The following SMAD9 variants were observed in gnomAD, a reference collection of about 807,000 sequenced individuals.
The protein encoded by SMAD9 is MAD homolog 9.
A neutral mutation model predicts 46.1 loss-of-function variants in SMAD9; 36 were observed. That is an observed-to-expected ratio of 0.78 (90% CI 0.60 to 1.03). SMAD9 has a LOEUF of 1.03. Among genes scored for constraint, SMAD9 ranks in the 50% least tolerant of loss-of-function variants. The pLI is 0.00. For synonymous variants in SMAD9, 245 were observed against 237.1 expected (o/e 1.03, Z -0.31); for missense variants, 572 against 599.8 (o/e 0.95, Z 0.48).
At chr13:36,895,375 T>C (rs769010688) in intron 1 of SMAD9, among the ~76,000 whole-genome samples, 66 of 152,194 alleles carry the variant, frequency 4.3e-4, no homozygotes, top group Non-Finnish European at 8.2e-4. Flanking sequence ...CATAGGTTTC[T>C]CAACTACTGA....
chr13:36,851,691 C>T lies in SMAD9; in HGVS notation c.1260+1728G>A, dbSNP rs896499142. 3.2e-6 allele frequency: 3 copies of T among 949,786 alleles called. No individual in the cohort carries two copies. In the African/African-American group the frequency reaches 5.3e-5, roughly 17 times the overall value. The allele number at this position is 949,786 out of a possible 1,614,324, so 58.8% of individuals were successfully genotyped here. ...GAAACCTTAAAGAGATCTGATCCAT[C>T]AGCCCAGTGGTAGCTACAGCTGCTC... On this transcript the variant is annotated intron_variant, in intron 6 of 6. Coordinates refer to ENST00000379826, the MANE Select transcript of SMAD9 (RefSeq NM_001127217.3).
chr13:36,847,028 T>G lies in SMAD9; in HGVS notation c.*1648A>C, dbSNP rs1475877024. The G allele has an allele frequency of 6.6e-6, 1 of 152,216 alleles. No homozygotes were observed. Among genetic ancestry groups the G allele is most frequent in the African/African-American group, 2.4e-5 (1 of 41,464 alleles). The allele number at this position is 152,216 out of a possible 1,614,324, so 9.4% of individuals were successfully genotyped here. ...ATAAACTACAGATTTTTCTATACAC[T>G]ACATGGGCCATATATTACATTTTTC... is the stretch of plus-strand genomic sequence containing the variant. On this transcript the variant is annotated 3_prime_UTR_variant, in exon 7 of 7. Transcript: ENST00000379826.
At chr13:36,859,325 T>C (rs1449382322) in intron 5 of SMAD9, among the ~76,000 whole-genome samples, 2 of 152,112 alleles carry the variant, frequency 1.3e-5, no homozygotes, top group East Asian at 1.9e-4. Flanking sequence ...CCCAAGGAGT[T>C]TGAAACAGAG....
At chr13:36,883,140 G>A (rs760757453) in intron 1 of SMAD9, among the ~76,000 whole-genome samples, 4 of 152,060 alleles carry the variant, frequency 2.6e-5, no homozygotes, top group Non-Finnish European at 4.4e-5. Flanking sequence ...ACCTGGCTCC[G>A]AACAGCTTTC....
intron 5 of SMAD9, among the ~76,000 whole-genome samples, chr13:36,858,883 G>T (rs618407): frequency 0.068 from 10,388 of 152,060 alleles, 718 homozygotes; most frequent in African/African-American, 0.17. Flanking sequence ...CTAACTTTTT[G>T]GTATTTTTTG....
In SMAD9 at chr13:36,859,897, T is replaced by C. The variant is rs918774945; in HGVS notation, c.1003+5640A>G. On this transcript the variant is annotated intron_variant, in intron 5 of 6. Coordinates refer to ENST00000379826, the MANE Select transcript of SMAD9 (RefSeq NM_001127217.3). ...ATCGCTTGAACCCGGGAGGCAGAGG[T>C]TGAGGCGAGCCGAGATTGTGCCATT... Among the ~76,000 whole-genome samples the C allele has an allele frequency of 7.3e-5, 11 of 151,248 alleles. No individual in the cohort carries two copies. In the East Asian group the frequency reaches 2.1e-3, roughly 29 times the overall value.
At position 36,845,209 on chromosome 13, in the gene SMAD9, TTGC is replaced by T. The variant is rs1404611899; in HGVS notation, c.*3464_*3466del. ...AAGTGATATTTATGAAATGTTTTTG[TTGC>T]TGTTTTGTTGCTGTTATGGGAACAT... is the stretch of plus-strand genomic sequence containing the variant. On this transcript the variant is annotated 3_prime_UTR_variant, in exon 7 of 7. Transcript: ENST00000379826. 2 of 152,118 alleles carry T rather than the reference TTGC, an allele frequency of 1.3e-5. No individual in the cohort carries two copies. The highest frequency in any genetic ancestry group is 4.8e-5 in the African/African-American group (2 of 41,432). 9.4% of individuals were successfully genotyped at this position (152,118 alleles called of 1,614,324 possible).
At chr13:36,897,287 T>C (rs1332124621) in intron 1 of SMAD9, among the ~76,000 whole-genome samples, 1 of 152,244 alleles carries the variant, frequency 6.6e-6, no homozygotes, top group Non-Finnish European at 1.5e-5. Flanking sequence ...ATAGATATTT[T>C]ACTCTGCATA....
intron 1 of SMAD9, among the ~76,000 whole-genome samples, chr13:36,881,098 A>G (rs1256570170): frequency 6.6e-6 from 1 of 152,194 alleles, no homozygotes; most frequent in Non-Finnish European, 1.5e-5. Context: ...GCCTAAAATC[A>G]GCTTAATTCT....
At chr13:36,860,216 A>G (rs557200) in intron 5 of SMAD9, among the ~76,000 whole-genome samples, 9,782 of 152,194 alleles carry the variant, frequency 0.064, 611 homozygotes, top group African/African-American at 0.16. Flanking sequence ...CCTTATGTCA[A>G]GATAATTCCT....
At chr13:36,879,152 C>T in intron 2 of SMAD9, 126 bp downstream of exon 2, 2 of 862,440 alleles carry the variant, frequency 2.3e-6, no homozygotes, top group Admixed American at 2.4e-5. Context: ...CTGAACCTCC[C>T]TCTCCTCTCT....
At chr13:36,851,969 GA>G (rs35571488) in intron 6 of SMAD9, 35,679 of 854,382 alleles carry the variant, frequency 0.042, 1,280 homozygotes, top group African/African-American at 0.24. Flanking sequence ...CACAGACCCG[GA>G]AAAAAAAAAA....
At chr13:36,882,999 T>C (rs1207897975) in intron 1 of SMAD9, among the ~76,000 whole-genome samples, 1 of 152,180 alleles carries the variant, frequency 6.6e-6, no homozygotes, top group East Asian at 1.9e-4. Context: ...CAGTGCACTT[T>C]AGGGTTCATA....
chr13:36,872,578 G>A, intron 3 of SMAD9, 80 bp downstream of exon 3: 3 of 1,492,504 alleles, frequency 2.0e-6, no homozygotes, highest in Non-Finnish European at 2.8e-6. Flanking sequence ...TACAATGACT[G>A]TCATTGTGAC....
intron 1 of SMAD9, among the ~76,000 whole-genome samples, chr13:36,880,418 T>G (rs977402116): frequency 1.2e-4 from 19 of 152,196 alleles, no homozygotes; most frequent in Admixed American, 2.6e-4. Flanking sequence ...AGTATGTTCT[T>G]TCTTTCTCAT....
chr13:36,856,451 G>A (rs1301814766), intron 5 of SMAD9, among the ~76,000 whole-genome samples: 1 of 152,194 alleles, frequency 6.6e-6, no homozygotes, highest in African/African-American at 2.4e-5. Context: ...AGCCTGGGCA[G>A]GTAGGCAGTC....
At chr13:36,881,534 A>G (rs1285688540) in intron 1 of SMAD9, among the ~76,000 whole-genome samples, 1 of 152,220 alleles carries the variant, frequency 6.6e-6, no homozygotes, top group African/African-American at 2.4e-5. Context: ...TGGTCCCACA[A>G]TAACGGATGA....
At chr13:36,885,446 T>C (rs564878254) in intron 1 of SMAD9, among the ~76,000 whole-genome samples, 2 of 152,266 alleles carry the variant, frequency 1.3e-5, no homozygotes, top group South Asian at 2.1e-4. Flanking sequence ...TAGCCTGGCA[T>C]TCCCATATGT....
At chr13:36,867,414 T>C (rs1227201231) in intron 3 of SMAD9, 31 bp from the exon 4 acceptor site, 1 of 1,406,632 alleles carries the variant, frequency 7.1e-7, no homozygotes, top group Non-Finnish European at 9.8e-7. Context: ...AAAGGAATTG[T>C]CAAATCGATA....
Sources: gnomAD v4.1 joint callset for allele counts (sites outside exome capture counted in the v4.1 genomes callset) on GRCh38, gnomAD v4.1.1 for gene constraint, MANE v1.5 for transcripts, NCBI Gene and HGNC (gene_info 2026-07-23, HGNC 2026-07-21) for gene names.